DPY19L1: variants seen among roughly 807,000 people sequenced by gnomAD.
DPY19L1 encodes dpy-19 like C-mannosyltransferase 1, also known as protein C-mannosyl-transferase DPY19L1.
A neutral mutation model predicts 96.9 loss-of-function variants in DPY19L1; 35 were observed. That is an observed-to-expected ratio of 0.36 (90% CI 0.28 to 0.48). The LOEUF (loss-of-function observed/expected upper bound fraction) is 0.48. Among genes scored for constraint, DPY19L1 ranks in the 20% least tolerant of loss-of-function variants. The pLI is 0.99. For missense variants in DPY19L1, 521 were observed against 777.9 expected, an observed-to-expected ratio of 0.67 and a Z score of 3.93; for synonymous variants, 205 against 252.6, an observed-to-expected ratio of 0.81 and a Z score of 1.79.
At chr7:35,019,519 A>G (rs867179865) in intron 1 of DPY19L1, among the ~76,000 whole-genome samples, 6 of 151,832 alleles carry the variant, frequency 4.0e-5, no homozygotes, top group African/African-American at 9.7e-5. Flanking sequence ...AAAGAAGAAG[A>G]AGGAAGAAGA....
At position 35,005,590 on chromosome 7, in the gene DPY19L1, G is replaced by A. The variant is rs1188359851; in HGVS notation, c.764+4878C>T. Reference sequence around the variant, plus strand: ...GGGGTGGGTGGATCACCTGAGGTCAGGAGTTTGAGACCAGCCTGACCAAAA... The same window carrying A: ...GGGGTGGGTGGATCACCTGAGGTCAAGAGTTTGAGACCAGCCTGACCAAAA... On this transcript the variant is annotated intron_variant, in intron 6 of 21. Transcript: ENST00000638088. 4.1e-5 allele frequency among the ~76,000 whole-genome samples: 6 copies of A among 145,534 alleles called. No individual in the cohort carries two copies. In the South Asian group the frequency reaches 8.7e-4, roughly 21 times the overall value.
rs775841504 is a variant in DPY19L1 at position 34,989,919 on chromosome 7, C to G, written c.787G>C (p.Val263Leu). 25 of 1,608,772 alleles carry G rather than the reference C, an allele frequency of 1.6e-5. No individual in the cohort carries two copies. In the Admixed American group the frequency reaches 3.6e-4, roughly 23 times the overall value. ...TTGAAAAAGAAGCACAACACTGTAA[C>G]CAGGCCTCCTAATCGGCTGCCACTG... The part of the protein sequence containing the change: ...YLSGSRLGGL[V>L]TVLCFFFNHG... Residue 263 changes from valine (V) to leucine (L), a missense_variant, in exon 7 of 22, where the codon GTT becomes CTT. By Grantham distance (32) the Val-to-Leu change is conservative. Coordinates refer to ENST00000638088, the MANE Select transcript of DPY19L1 (RefSeq NM_001366673.1).
intron 1 of DPY19L1, among the ~76,000 whole-genome samples, chr7:35,025,739 G>A (rs1322133822): frequency 1.3e-5 from 2 of 152,188 alleles, no homozygotes; most frequent in East Asian, 3.9e-4. Flanking sequence ...TCCAAGAACA[G>A]CAAGAGCCAG....
chr7:35,004,382 C>T lies in DPY19L1; in HGVS notation c.764+6086G>A, dbSNP rs1785503151. The stretch of plus-strand genomic sequence containing the variant: ...ATACTCAGTTTTTCAAAACTAAACA[C>T]ACCATATTTAAGGGTAAACACATGA... On this transcript the variant is annotated intron_variant, in intron 6 of 21. Transcript: ENST00000638088. 2.6e-5 allele frequency among the ~76,000 whole-genome samples: 4 copies of T among 152,136 alleles called. No individual in the cohort carries two copies. The South Asian group carries it at 6.2e-4, about 24-fold the overall frequency.
At chr7:34,978,495 T>C (rs914927931) in intron 7 of DPY19L1, among the ~76,000 whole-genome samples, 2 of 152,172 alleles carry the variant, frequency 1.3e-5, no homozygotes, top group African/African-American at 4.8e-5. Context: ...GCTGTCCACA[T>C]AGTAACCATA....
chr7:34,932,151 C>A (rs534492590), intron 21 of DPY19L1, among the ~76,000 whole-genome samples: 4 of 152,160 alleles, frequency 2.6e-5, no homozygotes, highest in East Asian at 1.9e-4. Context: ...ACCATTCACA[C>A]AGAAAAACGT....
chr7:35,028,397 C>T (rs1350150050), intron 1 of DPY19L1, among the ~76,000 whole-genome samples: 3 of 152,266 alleles, frequency 2.0e-5, no homozygotes, highest in Admixed American at 1.3e-4. Flanking sequence ...TATAATTAGG[C>T]TTCTAAACAG....
At chr7:34,939,230 G>T in intron 20 of DPY19L1, 46 bp downstream of exon 20, 1 of 1,545,218 alleles carries the variant, frequency 6.5e-7, no homozygotes, top group Non-Finnish European at 8.9e-7. Flanking sequence ...CTCACTGTCT[G>T]TTTGCATGGG....
chr7:34,938,197 T>C (rs1783914149), intron 20 of DPY19L1, 78 bp from the exon 21 acceptor site: 2 of 1,455,884 alleles, frequency 1.4e-6, no homozygotes, highest in Non-Finnish European at 1.9e-6. Flanking sequence ...AAGCACTGAA[T>C]TAGACTAGAA....
At chr7:34,956,258 T>C (rs192789535) in intron 11 of DPY19L1, among the ~76,000 whole-genome samples, 4 of 152,334 alleles carry the variant, frequency 2.6e-5, no homozygotes, top group African/African-American at 9.6e-5. Flanking sequence ...TCCTGGGTGA[T>C]AGCAGTACAT....
intron 6 of DPY19L1, among the ~76,000 whole-genome samples, chr7:35,006,902 C>A (rs570307365): frequency 1.4e-4 from 21 of 152,176 alleles, no homozygotes; most frequent in Non-Finnish European, 2.5e-4. Context: ...AATCTGCCTG[C>A]AAATTTCTAA....
intron 21 of DPY19L1, among the ~76,000 whole-genome samples, chr7:34,933,905 C>T (rs1343027435): frequency 6.6e-6 from 1 of 152,158 alleles, no homozygotes; most frequent in Non-Finnish European, 1.5e-5. Flanking sequence ...ATTGTGGGGC[C>T]TCACCTTGTG....
intron 13 of DPY19L1, among the ~76,000 whole-genome samples, chr7:34,953,013 T>G (rs371976565): frequency 1.3e-5 from 2 of 152,222 alleles, no homozygotes; most frequent in East Asian, 3.9e-4. Context: ...ACAGTTCTTT[T>G]GAAGGGGGCA....
At chr7:34,948,305 T>C (rs753798836) in intron 14 of DPY19L1, among the ~76,000 whole-genome samples, 7 of 152,172 alleles carry the variant, frequency 4.6e-5, no homozygotes, top group Non-Finnish European at 2.9e-5. Flanking sequence ...GTGTGTTAAT[T>C]ATGGGTTAAT....
intron 1 of DPY19L1, among the ~76,000 whole-genome samples, chr7:35,031,380 T>C (rs1245522107): frequency 6.6e-6 from 1 of 152,236 alleles, no homozygotes; most frequent in African/African-American, 2.4e-5. Flanking sequence ...TATAGGCTAA[T>C]ACTATGCCAT....
At chr7:35,008,868 T>C (rs1785633279) in intron 6 of DPY19L1, among the ~76,000 whole-genome samples, 2 of 152,134 alleles carry the variant, frequency 1.3e-5, no homozygotes, top group Non-Finnish European at 2.9e-5. Flanking sequence ...ACCACCAAGT[T>C]TCTCTCCCTC....
intron 10 of DPY19L1, among the ~76,000 whole-genome samples, chr7:34,963,613 G>A (rs1318586349): frequency 3.5e-5 from 3 of 86,866 alleles, no homozygotes; most frequent in Non-Finnish European, 9.1e-5. Context: ...AAAATCGTGT[G>A]TGTGTGTGTG....
chr7:34,991,704 C>G (rs1276327490), intron 6 of DPY19L1, among the ~76,000 whole-genome samples: 1 of 152,194 alleles, frequency 6.6e-6, no homozygotes. Flanking sequence ...CTCTCCCAAT[C>G]CTATTCACCT....
chr7:34,950,649 G>A (rs531571516), intron 13 of DPY19L1, among the ~76,000 whole-genome samples: 1 of 152,172 alleles, frequency 6.6e-6, no homozygotes, highest in African/African-American at 2.4e-5. Flanking sequence ...GAAGGAACAG[G>A]GTAAGAGTAG....
Sources: allele counts gnomAD v4.1 joint callset (sites outside exome capture counted in the v4.1 genomes callset), GRCh38; gene constraint gnomAD v4.1.1; transcripts MANE v1.5; gene names NCBI Gene and HGNC (gene_info 2026-07-23, HGNC 2026-07-21).